The following KCTD3 variants were observed in gnomAD, a reference collection of about 807,000 sequenced individuals.
KCTD3 encodes BTB/POZ domain-containing protein KCTD3.
A neutral mutation model predicts 85.8 loss-of-function variants in KCTD3; 41 were observed. The observed-to-expected ratio is 0.48, with a 90% CI of 0.37 to 0.62. The LOEUF (loss-of-function observed/expected upper bound fraction) is 0.62, where lower values mean the gene tolerates loss of function less well. Among genes scored for constraint, KCTD3 ranks in the 20% least tolerant of loss-of-function variants. The probability of loss-of-function intolerance (pLI) is 0.00; values close to 1 mark genes in which losing one functional copy is unlikely to be tolerated. For missense variants in KCTD3, 724 were observed against 989.9 expected (o/e 0.73, Z 3.60); for synonymous variants, 338 against 345.4 (o/e 0.98, Z 0.24).
chr1:215,608,170 T>A lies in KCTD3; in HGVS notation c.1463T>A (p.Ile488Lys). The A allele has an allele frequency of 6.2e-7, 1 of 1,606,788 alleles. No individual in the cohort carries two copies. Among genetic ancestry groups the A allele is most frequent in the Non-Finnish European group, 8.5e-7 (1 of 1,176,678 alleles). Residue 488 changes from isoleucine to lysine, a missense_variant and splice_region_variant, in exon 14 of 18, where the codon ATA (isoleucine) becomes AAA (lysine). By Grantham distance (102) the Ile-to-Lys change is moderately radical (BLOSUM62 -3). This residue lies in a region of KCTD3 where 136 missense variants were observed against 197.6 expected (regional missense o/e 0.69). Coordinates refer to ENST00000259154, the MANE Select transcript of KCTD3 (RefSeq NM_016121.5). ...GGTAGCTATTCCTCTGGAAATGACATAGGTGGGTTAGGTTATTTTAGGGCA... is the reference window on the plus strand; with the variant it reads ...GGTAGCTATTCCTCTGGAAATGACAAAGGTGGGTTAGGTTATTTTAGGGCA... ...SHGSYSSGND[I>K]GPFGERDDQQ... is the part of the protein sequence containing the mutation.
intron 9 of KCTD3, among the ~76,000 whole-genome samples, chr1:215,589,484 C>A (rs1660135975): frequency 6.6e-6 from 1 of 152,076 alleles, no homozygotes; most frequent in South Asian, 2.1e-4. Flanking sequence ...TCTCAGTGAA[C>A]CTACAACCGA....
At chr1:215,581,747 G>A (rs975592127) in intron 8 of KCTD3, among the ~76,000 whole-genome samples, 1 of 152,292 alleles carries the variant, frequency 6.6e-6, no homozygotes, top group Non-Finnish European at 1.5e-5. Flanking sequence ...GTAAAGTGAC[G>A]AAGGAAGACA....
chr1:215,592,867 G>A (rs1015391432), intron 9 of KCTD3, among the ~76,000 whole-genome samples: 2 of 152,124 alleles, frequency 1.3e-5, no homozygotes, highest in African/African-American at 4.8e-5. Flanking sequence ...GGCCCCTTAA[G>A]ACAGGAACTG....
intron 7 of KCTD3, 148 bp from the exon 8 acceptor site, chr1:215,579,761 G>T: frequency 1.7e-6 from 1 of 590,160 alleles, no homozygotes. Context: ...GCCTCCCAAA[G>T]TGCTGGGATT....
intron 14 of KCTD3, among the ~76,000 whole-genome samples, chr1:215,609,622 A>T (rs1052058962): frequency 6.6e-6 from 1 of 151,940 alleles, no homozygotes. Context: ...ACCAGAAAGG[A>T]GGAATTTATT....
intron 8 of KCTD3, chr1:215,581,059 A>G (rs1659802392): frequency 2.5e-6 from 1 of 408,078 alleles, no homozygotes; most frequent in Non-Finnish European, 4.8e-6. Flanking sequence ...CAGCCCGACC[A>G]ACATGGTGAA....
At chr1:215,619,384 A>G (rs1369654580) in intron 17 of KCTD3, 93 bp downstream of exon 17, 2 of 1,071,400 alleles carry the variant, frequency 1.9e-6, no homozygotes, top group Non-Finnish European at 2.7e-6. Flanking sequence ...CTAGAAAGCC[A>G]TACTTCTCAA....
chr1:215,615,354 C>T (rs1287057937), intron 15 of KCTD3, among the ~76,000 whole-genome samples: 2 of 152,142 alleles, frequency 1.3e-5, no homozygotes, highest in Admixed American at 6.5e-5. Context: ...GGCGTGGTGG[C>T]TCACGGCTGT....
intron 14 of KCTD3, among the ~76,000 whole-genome samples, chr1:215,609,586 A>C (rs1655155795): frequency 6.6e-6 from 1 of 151,950 alleles, no homozygotes; most frequent in Non-Finnish European, 1.5e-5. Flanking sequence ...CTTGACAGTG[A>C]AGACATGAGA....
Position 215,574,115 on chromosome 1 carries a change from T to G in KCTD3, c.180T>G (p.Gly60=). ...GRISTLRDET[G]AIFIDRDPAA... is the part of the protein sequence containing the mutation. Reference sequence around the variant, plus strand: ...TTTCAACACTTCGAGATGAAACTGGTGCTGTGAGTATAATAATAATTGATA... The same window carrying G: ...TTTCAACACTTCGAGATGAAACTGGGGCTGTGAGTATAATAATAATTGATA... Residue 60 remains glycine (G), a synonymous_variant, in exon 3 of 18, where the codon GGT becomes GGG. Transcript: ENST00000259154. 6.4e-7 allele frequency: 1 copy of G among 1,572,402 alleles called. No homozygotes were observed. The highest frequency in any genetic ancestry group is 8.7e-7 in the Non-Finnish European group (1 of 1,148,820).
At chr1:215,589,226 C>T (rs757476915) in intron 9 of KCTD3, among the ~76,000 whole-genome samples, 36 of 152,032 alleles carry the variant, frequency 2.4e-4, no homozygotes, top group Non-Finnish European at 5.0e-4. Flanking sequence ...TCCTCAACCT[C>T]CTGGGCCCAG....
chr1:215,619,133 T>C lies in KCTD3; in HGVS notation c.1748-20T>C, dbSNP rs1269935690. On this transcript the variant is annotated intron_variant, in intron 16 of 17. Coordinates refer to ENST00000259154, the MANE Select transcript of KCTD3 (RefSeq NM_016121.5). ...AAGCTTTTCACTTAAGTGATTTTAA[T>C]GACTATTTGTTCTCCTAAGATGTAG... 6.2e-7 allele frequency: 1 copy of C among 1,610,206 alleles called. No homozygotes were observed. The highest frequency in any genetic ancestry group is 8.5e-7 in the Non-Finnish European group (1 of 1,177,658).
Position 215,620,331 on chromosome 1 carries a change from G to A in KCTD3, c.2161G>A (p.Glu721Lys), listed in dbSNP as rs1655620507. 1 of 1,613,846 alleles carries A rather than the reference G, an allele frequency of 6.2e-7. No homozygotes were observed. Among genetic ancestry groups the A allele is most frequent in the African/African-American group, 1.3e-5 (1 of 74,920 alleles). ...SPGVEIKSLRELDSGLEVHKI... is the reference protein window; with the variant it reads ...SPGVEIKSLRKLDSGLEVHKI... ...TGGAGTAGAAATAAAAAGTTTGAGAGAATTGGATAGTGGATTGGAAGTGCA... is the reference window on the plus strand; with the variant it reads ...TGGAGTAGAAATAAAAAGTTTGAGAAAATTGGATAGTGGATTGGAAGTGCA... Residue 721 changes from glutamate (E) to lysine (K), a missense_variant, in exon 18 of 18, where the codon GAA becomes AAA. Physicochemically the swap from Glu to Lys is moderately conservative, Grantham distance 56. This residue lies in a region of KCTD3 where 222 missense variants were observed against 217.7 expected (regional missense o/e 1.02). Coordinates refer to ENST00000259154, the MANE Select transcript of KCTD3 (RefSeq NM_016121.5).
chr1:215,619,956 T>C (rs1044920133), intron 17 of KCTD3, 101 bp from the exon 18 acceptor site: 15 of 748,110 alleles, frequency 2.0e-5, no homozygotes, highest in Non-Finnish European at 2.8e-5. Flanking sequence ...TAATACACTT[T>C]ATGTATTTAT....
chr1:215,581,584 C>T (rs1230912883), intron 8 of KCTD3, among the ~76,000 whole-genome samples: 3 of 152,140 alleles, frequency 2.0e-5, no homozygotes, highest in Admixed American at 6.5e-5. Flanking sequence ...TGCTCTTTTC[C>T]AGAACCACCA....
intron 1 of KCTD3, 106 bp downstream of exon 1, chr1:215,567,874 C>A: frequency 1.3e-6 from 1 of 792,282 alleles, no homozygotes; most frequent in Non-Finnish European, 1.7e-6. Flanking sequence ...CGTGGGAGGC[C>A]AAGCCTGGAG....
chr1:215,592,817 A>G (rs1660275684), intron 9 of KCTD3, among the ~76,000 whole-genome samples: 1 of 152,130 alleles, frequency 6.6e-6, no homozygotes, highest in African/African-American at 2.4e-5. Context: ...ATAAGACGAG[A>G]GTTACTGGGT....
rs148938818 is a variant in KCTD3 at position 215,618,928 on chromosome 1, A to G, written c.1605A>G (p.Ser535=). 48 of 1,613,378 alleles carry G rather than the reference A, an allele frequency of 3.0e-5. No homozygotes were observed. The African/African-American group carries it at 5.5e-4, about 18-fold the overall frequency. Residue 535 remains serine (S), a synonymous_variant, in exon 16 of 18, where the codon TCA becomes TCG. Coordinates refer to ENST00000259154, the MANE Select transcript of KCTD3 (RefSeq NM_016121.5). ...IQAVDCTTIS[S]FTVRECEGSS... ...CTGTTGACTGTACTACAATATCCTC[A>G]TTTACAGTGAGGGAATGTGAGGGAT...
chr1:215,590,155 A>G (rs1660157485), intron 9 of KCTD3, among the ~76,000 whole-genome samples: 1 of 152,096 alleles, frequency 6.6e-6, no homozygotes, highest in African/African-American at 2.4e-5. Flanking sequence ...AGTGATTTTA[A>G]TTGTGGCTTT....
Sources: allele counts gnomAD v4.1 joint callset (sites outside exome capture counted in the v4.1 genomes callset), GRCh38; gene constraint gnomAD v4.1.1; regional missense constraint gnomAD v4.1.1; transcripts MANE v1.5; gene names NCBI Gene and HGNC (gene_info 2026-07-23, HGNC 2026-07-21).